The following COBL variants were observed in gnomAD, a reference collection of about 807,000 sequenced individuals.
COBL encodes the protein protein cordon-bleu.
COBL carries 51 observed loss-of-function variants against 98.8 expected under a neutral mutation model. That is an observed-to-expected ratio of 0.52 (90% CI 0.41 to 0.65). The LOEUF is 0.65. Ranked by LOEUF, COBL falls within the 30% of genes least tolerant of loss-of-function variation. The probability of loss-of-function intolerance (pLI) is 0.00; values close to 1 mark genes in which losing one functional copy is unlikely to be tolerated. For missense variants in COBL, 1,617 were observed against 1,617.5 expected (o/e 1.00, Z 0.01); for synonymous variants, 634 against 651.7 (o/e 0.97, Z 0.41).
At chr7:51,220,821 G>A (rs1197903284) in intron 1 of COBL, among the ~76,000 whole-genome samples, 1 of 152,132 alleles carries the variant, frequency 6.6e-6, no homozygotes, top group African/African-American at 2.4e-5. Flanking sequence ...CCCTGGTTCT[G>A]ATGAACATTT....
intron 4 of COBL, among the ~76,000 whole-genome samples, chr7:51,188,800 A>C (rs1369142970): frequency 6.6e-6 from 1 of 152,120 alleles, no homozygotes; most frequent in Admixed American, 6.5e-5. Flanking sequence ...CTACATTCCC[A>C]ATGACCATGG....
intron 7 of COBL, 100 bp from the exon 8 acceptor site, chr7:51,043,792 G>A: frequency 1.0e-6 from 1 of 996,652 alleles, no homozygotes; most frequent in Admixed American, 2.5e-5. Flanking sequence ...TCTAAAATTT[G>A]GGATTCAGGG....
intron 2 of COBL, among the ~76,000 whole-genome samples, chr7:51,213,749 C>T (rs758498281): frequency 9.5e-4 from 145 of 151,918 alleles, no homozygotes; most frequent in Non-Finnish European, 1.9e-3. Flanking sequence ...GCCACATCGC[C>T]GGAAACAGAA....
At chr7:51,118,570 C>G (rs184940551) in intron 6 of COBL, among the ~76,000 whole-genome samples, 1 of 151,406 alleles carries the variant, frequency 6.6e-6, no homozygotes, top group Non-Finnish European at 1.5e-5. Context: ...AAGCAAGTTC[C>G]AAATTCCAAT....
chr7:51,138,795 C>T (rs544864344), intron 5 of COBL, among the ~76,000 whole-genome samples: 21 of 152,206 alleles, frequency 1.4e-4, no homozygotes, highest in Non-Finnish European at 2.8e-4. Context: ...AGCACACATG[C>T]CCCATCTGAC....
chr7:51,191,706 T>C (rs936413796), intron 3 of COBL, among the ~76,000 whole-genome samples: 1 of 152,174 alleles, frequency 6.6e-6, no homozygotes, highest in Non-Finnish European at 1.5e-5. Context: ...GCATATATAA[T>C]AATCAGGAAG....
At chr7:51,062,267 GTCTC>G (rs146409423) in intron 7 of COBL, among the ~76,000 whole-genome samples, 320 of 149,132 alleles carry the variant, frequency 2.1e-3, no homozygotes, top group African/African-American at 5.3e-3. Context: ...AACAGTTCAT[GTCTC>G]TCTCTCTCTC....
chr7:51,128,512 G>A (rs890547022), intron 6 of COBL, among the ~76,000 whole-genome samples: 8 of 152,190 alleles, frequency 5.3e-5, no homozygotes, highest in Non-Finnish European at 1.0e-4. Context: ...AGAGCGGGGA[G>A]GGGAGAGAAA....
At chr7:51,258,722 T>C (rs1797419355) in intron 1 of COBL, among the ~76,000 whole-genome samples, 1 of 152,186 alleles carries the variant, frequency 6.6e-6, no homozygotes, top group Non-Finnish European at 1.5e-5. Context: ...CAATAAAAAG[T>C]AATTTCAAAA....
intron 7 of COBL, chr7:51,083,155 T>TGGGGGTTGGGGGGGGGGG: frequency 3.3e-6 from 2 of 605,246 alleles, no homozygotes; most frequent in Non-Finnish European, 4.6e-6. Flanking sequence ...AGGGCGGGGG[T>TGGGGGTTGGGGGGGGGGG]GGGGGAAGCA....
intron 5 of COBL, chr7:51,156,226 A>G: frequency 1.0e-6 from 1 of 985,090 alleles, no homozygotes; most frequent in Non-Finnish European, 1.2e-6. Context: ...TTTACAAGCC[A>G]AGAAGGCAAA....
intron 5 of COBL, among the ~76,000 whole-genome samples, chr7:51,148,254 G>C: frequency 6.6e-6 from 1 of 152,250 alleles, no homozygotes; most frequent in East Asian, 1.9e-4. Flanking sequence ...TGACTGGGGG[G>C]TGGGCTACAA....
intron 2 of COBL, among the ~76,000 whole-genome samples, chr7:51,202,494 C>T (rs1791226766): frequency 6.6e-6 from 1 of 151,966 alleles, no homozygotes; most frequent in Non-Finnish European, 1.5e-5. Flanking sequence ...TATATATAAA[C>T]TTTAGTACGA....
At chr7:51,174,207 G>A (rs577025649) in intron 5 of COBL, among the ~76,000 whole-genome samples, 2 of 152,170 alleles carry the variant, frequency 1.3e-5, no homozygotes, top group African/African-American at 2.4e-5. Flanking sequence ...TGGTGTTTAT[G>A]AATTCCGGCA....
rs71021762 is a variant in COBL at position 51,281,646 on chromosome 7, T to TA, written c.41+34946dup. Among the ~76,000 whole-genome samples, 336 of 144,792 alleles carry TA rather than the reference T, an allele frequency of 2.3e-3. 1 individual carries two copies. Among genetic ancestry groups the TA allele is most frequent in the East Asian group, 5.3e-3 (26 of 4,946 alleles). 95.0% of individuals were successfully genotyped at this position (144,792 alleles called of 152,430 possible). The stretch of plus-strand genomic sequence containing the variant: ...CGAAACAACTTTTAAAGTACTGAGA[T>TA]AAAAAAAAAAAAAACTGTAAACCAT... On this transcript the variant is annotated intron_variant, in intron 1 of 12. Transcript: ENST00000265136.
intron 1 of COBL, among the ~76,000 whole-genome samples, chr7:51,304,838 C>T (rs897207584): frequency 2.0e-4 from 31 of 152,178 alleles, no homozygotes; most frequent in African/African-American, 7.0e-4. Context: ...CAGTCATCTC[C>T]GCCTTAGTCA....
chr7:51,026,457 A>G (rs1787563509), intron 11 of COBL, 89 bp downstream of exon 11: 1 of 1,522,342 alleles, frequency 6.6e-7, no homozygotes, highest in African/African-American at 1.4e-5. Flanking sequence ...GGAAGGACAG[A>G]AGCTTCTGCA....
chr7:51,165,826 T>C (rs1002081046), intron 5 of COBL, among the ~76,000 whole-genome samples: 6 of 151,950 alleles, frequency 3.9e-5, no homozygotes, highest in Non-Finnish European at 8.8e-5. Flanking sequence ...TTGGAAACTA[T>C]ACAAATAATG....
intron 5 of COBL, among the ~76,000 whole-genome samples, chr7:51,161,753 G>A (rs1786838683): frequency 6.6e-6 from 1 of 152,146 alleles, no homozygotes; most frequent in African/African-American, 2.4e-5. Context: ...CAAATTTATA[G>A]AATTTGGATT....
Sources: allele counts gnomAD v4.1 joint callset (sites outside exome capture counted in the v4.1 genomes callset), GRCh38; gene constraint gnomAD v4.1.1; transcripts MANE v1.5; gene names NCBI Gene and HGNC (gene_info 2026-07-23, HGNC 2026-07-21).